The following FAAH2 variants were observed in gnomAD, a reference collection of about 807,000 sequenced individuals.
FAAH2 encodes fatty acid amide hydrolase 2.
A neutral mutation model predicts 36.9 loss-of-function variants in FAAH2; 60 were observed. The ratio of observed to expected loss-of-function variants is 1.63; its 90% CI spans 1.32 to 2.02. The LOEUF (loss-of-function observed/expected upper bound fraction) is 2.02, where lower values mean the gene tolerates loss of function less well. Ranked by LOEUF, FAAH2 falls within the 30% of genes most tolerant of loss-of-function variation. FAAH2 has a pLI of 0.00. For synonymous variants in FAAH2, 214 were observed against 143.8 expected, an observed-to-expected ratio of 1.49 and a Z score of -3.49; for missense variants, 689 against 397.5, an observed-to-expected ratio of 1.73 and a Z score of -6.23.
upstream of FAAH2, among the ~76,000 whole-genome samples, chrX:57,283,580 A>G (rs146886074): frequency 0.014 from 1,607 of 111,169 alleles, 26 homozygotes; most frequent in African/African-American, 0.05. Flanking sequence ...CCAGGGAAAT[A>G]CAAAGCCACT....
At chrX:57,356,208 G>A (rs773373685) in intron 5 of FAAH2, among the ~76,000 whole-genome samples, 9 of 110,819 alleles carry the variant, frequency 8.1e-5, no homozygotes, top group Admixed American at 6.7e-4. Context: ...TGTTTATCAG[G>A]GATATTGGTC....
chrX:57,168,829 A>G, the FAAH2 span, among the ~76,000 whole-genome samples: 1 of 112,366 alleles, frequency 8.9e-6, no homozygotes, highest in African/African-American at 3.2e-5. Context: ...AAATTTGTAA[A>G]TACTAAAGTG....
chrX:57,241,279 A>G, the FAAH2 span, among the ~76,000 whole-genome samples: 1,108 of 112,618 alleles, frequency 9.8e-3, 11 homozygotes, highest in African/African-American at 0.034. Context: ...ACTGTTCTCC[A>G]CATAGGAATC....
At chrX:57,163,009 TTGA>T in the FAAH2 span, among the ~76,000 whole-genome samples, 1 of 112,127 alleles carries the variant, frequency 8.9e-6, no homozygotes, top group Admixed American at 9.4e-5. Flanking sequence ...CTTTTGGTCT[TTGA>T]TGATGGTGAT....
the FAAH2 span, among the ~76,000 whole-genome samples, chrX:57,182,963 T>C: frequency 2.7e-5 from 3 of 110,981 alleles, no homozygotes; most frequent in African/African-American, 6.6e-5. Context: ...ATACTGCATG[T>C]TCCCATTTGT....
At chrX:57,373,943 C>T (rs781648339) in intron 5 of FAAH2, among the ~76,000 whole-genome samples, 1 of 111,277 alleles carries the variant, frequency 9.0e-6, no homozygotes, top group Non-Finnish European at 1.9e-5. Flanking sequence ...ATGTGGTTAG[C>T]CAATTATCCC....
the FAAH2 span, among the ~76,000 whole-genome samples, chrX:57,265,542 C>CCAGCA: frequency 1.8e-5 from 2 of 111,513 alleles, no homozygotes; most frequent in African/African-American, 3.3e-5. Flanking sequence ...AAGAGATCCC[C>CCAGCA]CAGCACAGCA....
chrX:57,377,132 C>T (rs764714740), intron 5 of FAAH2, among the ~76,000 whole-genome samples: 4 of 112,246 alleles, frequency 3.6e-5, no homozygotes, highest in Non-Finnish European at 7.5e-5. Flanking sequence ...GTTTCTTTTG[C>T]TGTGCAGAAG....
Position 57,335,700 on chromosome X carries a change from G to T in FAAH2, c.622+3893G>T, listed in dbSNP as rs777851857. ...TTACTAGTCCTCCTCAGCACAGACC[G>T]TTTACGGGTGTTGGGCTGGGGGACA... On this transcript the variant is annotated intron_variant, in intron 4 of 10. Coordinates refer to ENST00000374900, the MANE Select transcript of FAAH2 (RefSeq NM_174912.4). Among the ~76,000 whole-genome samples, 3 of 111,015 alleles carry T rather than the reference G, an allele frequency of 2.7e-5. No individual in the cohort carries two copies. The East Asian group carries it at 8.6e-4, about 32-fold the overall frequency.
At position 57,476,855 on chromosome X, in the gene FAAH2, T is replaced by A. The variant is rs2057280748; in HGVS notation, c.1424-11902T>A. Among the ~76,000 whole-genome samples, 4 of 110,455 alleles carry A rather than the reference T, an allele frequency of 3.6e-5. No individual in the cohort carries two copies. In the Admixed American group the frequency reaches 3.9e-4, roughly 11 times the overall value. ...TGATGTTCTTGGACTTTTTTTTTTT[T>A]AATTACTGCCTCAATTTCAGAATTT... is the stretch of plus-strand genomic sequence containing the variant. On this transcript the variant is annotated intron_variant, in intron 10 of 10. Coordinates refer to ENST00000374900, the MANE Select transcript of FAAH2 (RefSeq NM_174912.4).
intron 5 of FAAH2, among the ~76,000 whole-genome samples, 176 bp downstream of exon 5, chrX:57,341,566 T>C (rs925838484): frequency 1.8e-5 from 2 of 111,320 alleles, no homozygotes; most frequent in African/African-American, 6.5e-5. Context: ...GTGCACAAAA[T>C]TGTGCAAGGC....
chrX:57,264,329 C>G, the FAAH2 span, among the ~76,000 whole-genome samples: 2 of 112,068 alleles, frequency 1.8e-5, no homozygotes, highest in African/African-American at 3.2e-5. Context: ...AGATTATATA[C>G]AGAAATCTTA....
At chrX:57,154,767 AT>A in the FAAH2 span, among the ~76,000 whole-genome samples, 66 of 106,217 alleles carry the variant, frequency 6.2e-4, no homozygotes, top group African/African-American at 2.0e-3. Flanking sequence ...ATATTTCCAG[AT>A]TTTTTTTTTA....
intron 5 of FAAH2, among the ~76,000 whole-genome samples, chrX:57,361,946 T>C (rs868630467): frequency 2.7e-5 from 3 of 111,577 alleles, no homozygotes; most frequent in East Asian, 5.6e-4. Flanking sequence ...TTTTCCTTCA[T>C]TATTTTGAAG....
At chrX:57,456,041 C>T (rs747762933) in intron 10 of FAAH2, among the ~76,000 whole-genome samples, 1 of 111,605 alleles carries the variant, frequency 9.0e-6, no homozygotes, top group East Asian at 2.8e-4. Flanking sequence ...TAAGGTCCAC[C>T]ACATCCTTGG....
At chrX:57,392,525 C>T (rs1365601608) in intron 7 of FAAH2, 14 of 748,802 alleles carry the variant, frequency 1.9e-5, no homozygotes, top group Non-Finnish European at 5.9e-6. Context: ...CTATTAGTTT[C>T]AGATCTTCTG....
chrX:57,303,485 T>C (rs748123857), intron 2 of FAAH2, among the ~76,000 whole-genome samples: 5 of 112,352 alleles, frequency 4.5e-5, no homozygotes, highest in Non-Finnish European at 7.5e-5. Flanking sequence ...ATGATGATAG[T>C]GATAGCCACC....
chrX:57,460,993 G>A (rs1188467927), intron 10 of FAAH2, among the ~76,000 whole-genome samples: 1 of 110,932 alleles, frequency 9.0e-6, no homozygotes, highest in Non-Finnish European at 1.9e-5. Context: ...GAAAACAGGG[G>A]TTTCAATCCT....
chrX:57,394,846 T>A, intron 7 of FAAH2: 1 of 1,092,753 alleles, frequency 9.2e-7, no homozygotes, highest in Non-Finnish European at 1.3e-6. Flanking sequence ...AGGTGGTCAC[T>A]GTGGCATTGT....
Sources: gnomAD v4.1 joint callset for allele counts (sites outside exome capture counted in the v4.1 genomes callset) on GRCh38, gnomAD v4.1.1 for gene constraint, MANE v1.5 for transcripts, NCBI Gene and HGNC (gene_info 2026-07-23, HGNC 2026-07-21) for gene names.